TMEM117: variants seen among roughly 807,000 people sequenced by gnomAD.
TMEM117 encodes transmembrane protein 117.
In TMEM117, 27 loss-of-function variants were observed where a neutral mutation model predicts 52.4. The ratio of observed to expected loss-of-function variants is 0.51; its 90% CI spans 0.38 to 0.71. The LOEUF (loss-of-function observed/expected upper bound fraction) is 0.71. Ranked by LOEUF, TMEM117 falls within the 30% of genes least tolerant of loss-of-function variation. The pLI, the probability that TMEM117 is intolerant of heterozygous loss-of-function variation, is 0.00. For synonymous variants in TMEM117, 215 were observed against 206.3 expected, an observed-to-expected ratio of 1.04 and a Z score of -0.36; for missense variants, 556 against 630.5, an observed-to-expected ratio of 0.88 and a Z score of 1.26.
At chr12:43,841,796 A>G (rs543270661) in intron 1 of TMEM117, among the ~76,000 whole-genome samples, 1 of 152,272 alleles carries the variant, frequency 6.6e-6, no homozygotes, top group South Asian at 2.1e-4. Context: ...TACAAAGTCC[A>G]TGTGAGCCTC....
chr12:44,336,899 A>G (rs555288185), intron 6 of TMEM117, among the ~76,000 whole-genome samples: 21 of 152,176 alleles, frequency 1.4e-4, no homozygotes, highest in South Asian at 1.0e-3. Context: ...ATCTAGAGCA[A>G]TTCCTAAAAA....
intron 4 of TMEM117, among the ~76,000 whole-genome samples, chr12:44,159,339 T>C (rs555725785): frequency 7.9e-5 from 12 of 152,204 alleles, no homozygotes; most frequent in Non-Finnish European, 1.8e-4. Context: ...GCTCTTGTTC[T>C]GTTTACCTAC....
chr12:44,285,560 G>C (rs1447262687), intron 5 of TMEM117, among the ~76,000 whole-genome samples: 1 of 152,150 alleles, frequency 6.6e-6, no homozygotes, highest in Non-Finnish European at 1.5e-5. Context: ...GACATTTCCT[G>C]ATCTCAAGAG....
At chr12:43,990,504 A>G (rs937761776) in intron 3 of TMEM117, among the ~76,000 whole-genome samples, 5 of 152,168 alleles carry the variant, frequency 3.3e-5, no homozygotes, top group African/African-American at 9.7e-5. Context: ...ATGTTTTCAT[A>G]CCTCACACCG....
chr12:43,985,489 T>C (rs1387045096), intron 3 of TMEM117, among the ~76,000 whole-genome samples: 1 of 152,192 alleles, frequency 6.6e-6, no homozygotes, highest in Non-Finnish European at 1.5e-5. Flanking sequence ...AAATTATTAG[T>C]GAAGAGCATA....
At chr12:44,120,460 G>T (rs1022068628) in intron 3 of TMEM117, among the ~76,000 whole-genome samples, 4 of 152,098 alleles carry the variant, frequency 2.6e-5, no homozygotes, top group Non-Finnish European at 5.9e-5. Flanking sequence ...TTATTCTTCT[G>T]CCCATTTTAA....
the TMEM117 span, among the ~76,000 whole-genome samples, chr12:43,830,011 C>T: frequency 6.6e-6 from 1 of 151,060 alleles, no homozygotes; most frequent in South Asian, 2.1e-4. Context: ...GTGCTTGAAC[C>T]CGGGAGGCGG....
At chr12:43,895,365 A>G (rs973374448) in intron 2 of TMEM117, among the ~76,000 whole-genome samples, 2 of 152,062 alleles carry the variant, frequency 1.3e-5, no homozygotes, top group African/African-American at 2.4e-5. Context: ...TCTGTGGTGT[A>G]TATGTGCCAC....
intron 5 of TMEM117, among the ~76,000 whole-genome samples, chr12:44,252,231 C>T (rs1215810188): frequency 2.0e-5 from 3 of 152,166 alleles, no homozygotes; most frequent in Non-Finnish European, 4.4e-5. Context: ...TGTGGCCAGG[C>T]CCAGTGGCTC....
intron 4 of TMEM117, among the ~76,000 whole-genome samples, chr12:44,184,200 G>A (rs1028730474): frequency 6.6e-6 from 1 of 152,016 alleles, no homozygotes; most frequent in Non-Finnish European, 1.5e-5. Context: ...ACAAAAATTA[G>A]CCCAGTGTGG....
intron 5 of TMEM117, among the ~76,000 whole-genome samples, chr12:44,250,295 T>C (rs7305976): frequency 0.18 from 27,746 of 151,986 alleles, 3,627 homozygotes; most frequent in African/African-American, 0.37. Flanking sequence ...GAAATACCAG[T>C]TCGCACCAGT....
chr12:44,215,424 G>A (rs534442673), intron 5 of TMEM117, among the ~76,000 whole-genome samples: 1 of 152,284 alleles, frequency 6.6e-6, no homozygotes, highest in Admixed American at 6.5e-5. Flanking sequence ...GGCGGAAAGG[G>A]AGGAATATGT....
chr12:44,344,023 G>A (rs1022281312), intron 6 of TMEM117, among the ~76,000 whole-genome samples: 10 of 152,206 alleles, frequency 6.6e-5, no homozygotes, highest in Non-Finnish European at 1.3e-4. Context: ...TGGTTGCCTG[G>A]CTTGTTCAGT....
chr12:44,218,795 G>C (rs1949752579), intron 5 of TMEM117, among the ~76,000 whole-genome samples: 1 of 152,072 alleles, frequency 6.6e-6, no homozygotes, highest in African/African-American at 2.4e-5. Flanking sequence ...ATCATTCAGT[G>C]CTTCCTGTAT....
intron 3 of TMEM117, among the ~76,000 whole-genome samples, chr12:44,117,496 G>C (rs929196576): frequency 6.6e-6 from 1 of 152,016 alleles, no homozygotes; most frequent in African/African-American, 2.4e-5. Context: ...TTCCCATTCT[G>C]TCCTGGGGCT....
rs151049726 is a variant in TMEM117, at chr12:44,269,652, C to A, written c.609-29928C>A. On this transcript the variant is annotated intron_variant, in intron 5 of 7. Coordinates refer to ENST00000266534, the MANE Select transcript of TMEM117 (RefSeq NM_032256.3). ...CTCTCATTGGAATTATGATTACCTT[C>A]GATTTTGTTTATTGATTCAGCCCAA... is the stretch of plus-strand genomic sequence containing the variant. 2.3e-3 allele frequency among the ~76,000 whole-genome samples: 349 copies of A among 151,958 alleles called. 11 individuals carry two copies. In the East Asian group the frequency reaches 0.034, roughly 15 times the overall value.
At chr12:43,983,778 A>C (rs1257004497) in intron 3 of TMEM117, among the ~76,000 whole-genome samples, 1 of 152,044 alleles carries the variant, frequency 6.6e-6, no homozygotes, top group Admixed American at 6.6e-5. Context: ...ACTGAGATAC[A>C]AGGAAGGTAA....
At chr12:44,157,568 C>T (rs1191392146) in intron 4 of TMEM117, among the ~76,000 whole-genome samples, 9 of 152,036 alleles carry the variant, frequency 5.9e-5, no homozygotes, top group Admixed American at 5.9e-4. Context: ...TTTTACATAG[C>T]AGCCTTTTTA....
intron 6 of TMEM117, among the ~76,000 whole-genome samples, chr12:44,374,658 G>GTA (rs1206385033): frequency 6.9e-5 from 10 of 144,656 alleles, no homozygotes; most frequent in African/African-American, 2.5e-4. Flanking sequence ...GTGTGTGTAT[G>GTA]TGTGTGTATG....
Sources: gnomAD v4.1 joint callset for allele counts (sites outside exome capture counted in the v4.1 genomes callset) on GRCh38, gnomAD v4.1.1 for gene constraint, MANE v1.5 for transcripts, NCBI Gene and HGNC (gene_info 2026-07-23, HGNC 2026-07-21) for gene names.